The following CD58 variants were observed in gnomAD, a reference collection of about 807,000 sequenced individuals.
CD58 encodes CD58 molecule, also known as lymphocyte function-associated antigen 3.
Under a neutral mutation model 27.6 loss-of-function variants are expected in CD58, and 14 were observed. The observed-to-expected ratio is 0.51, with a 90% CI of 0.34 to 0.79. The LOEUF is 0.79. Ranked by LOEUF, CD58 falls within the 30% of genes least tolerant of loss-of-function variation. The pLI is 0.02. For missense variants in CD58, 268 were observed against 301.7 expected, an observed-to-expected ratio of 0.89 and a Z score of 0.83; for synonymous variants, 117 against 103.8, an observed-to-expected ratio of 1.13 and a Z score of -0.77.
rs532528365 is a variant in CD58 at position 116,517,675 on chromosome 1, C to T, written c.743+1556G>A. Among the ~76,000 whole-genome samples the T allele has an allele frequency of 2.0e-5, 3 of 152,284 alleles. No individual in the cohort carries two copies. Among genetic ancestry groups the T allele is most frequent in the Non-Finnish European group, 2.9e-5 (2 of 68,016 alleles). On this transcript the variant is annotated intron_variant, in intron 5 of 5. Transcript: ENST00000369489. This position sits in a 1 kb window ranked among gnomAD's most constrained non-coding sequence, Gnocchi z 6.5. ...ATCCTGGACTTTGCTTCCCCAGTCC[C>T]GCCTCCTCTGCCTCTTCCCATCACC...
intron 1 of CD58, among the ~76,000 whole-genome samples, chr1:116,565,995 T>G (rs28391746): frequency 0.057 from 8,670 of 152,166 alleles, 831 homozygotes; most frequent in African/African-American, 0.19. Flanking sequence ...GGGATTACAG[T>G]CATGAGTCAC....
Position 116,519,265 on chromosome 1 carries a change from T to C in CD58, c.709A>G (p.Ile237Val), listed in dbSNP as rs149627900. ...TCTGGTTTTCTGTCACATTTCAGAA[T>C]ACCTAAAAATGAAGAAATTGTCTTC... ...TTCIVLYMNG[I>V]LKCDRKPDRT... is the part of the protein sequence containing the mutation. Residue 237 changes from isoleucine (I) to valine (V), a missense_variant and splice_region_variant, in exon 5 of 6, where the codon ATT becomes GTT. Ile to Val is a conservative substitution (Grantham distance 29). Transcript: ENST00000369489. This position sits in a 1 kb window ranked among gnomAD's most constrained non-coding sequence, Gnocchi z 4.7. The C allele has an allele frequency of 3.5e-3, 5,702 of 1,611,116 alleles. 23 individuals carry two copies. Among genetic ancestry groups the C allele is most frequent in the South Asian group, 4.3e-3 (389 of 90,584 alleles).
At chr1:116,561,714 A>G (rs1658758833) in intron 1 of CD58, among the ~76,000 whole-genome samples, 1 of 152,240 alleles carries the variant, frequency 6.6e-6, no homozygotes, top group Non-Finnish European at 1.5e-5. Context: ...ACAACAGAGC[A>G]TATAAAGGAA....
intron 3 of CD58, chr1:116,533,475 T>A (rs1131081): frequency 1.3e-6 from 1 of 742,368 alleles, no homozygotes; most frequent in Non-Finnish European, 2.5e-6. Flanking sequence ...GAACTCTTAA[T>A]ATGAAAGACA....
intron 2 of CD58, among the ~76,000 whole-genome samples, chr1:116,539,248 T>C (rs1657913986): frequency 6.6e-6 from 1 of 152,124 alleles, no homozygotes; most frequent in South Asian, 2.1e-4. Flanking sequence ...CCGGAGGGTA[T>C]GTGATATGAT....
At chr1:116,544,108 T>C (rs1367628502) in intron 2 of CD58, among the ~76,000 whole-genome samples, 2 of 152,160 alleles carry the variant, frequency 1.3e-5, no homozygotes, top group African/African-American at 4.8e-5. Context: ...TCTCCCCACC[T>C]TGGTTAGATT....
rs1425176035 is a variant in CD58, at chr1:116,546,447, G to A, written c.71-1843C>T. 2.0e-5 allele frequency among the ~76,000 whole-genome samples: 3 copies of A among 152,174 alleles called. No individual in the cohort carries two copies. The highest frequency in any genetic ancestry group is 4.8e-5 in the African/African-American group (2 of 41,438). On this transcript the variant is annotated intron_variant, in intron 1 of 5. Coordinates refer to ENST00000369489, the MANE Select transcript of CD58 (RefSeq NM_001779.3). The surrounding 1 kb of genome is among the most constrained non-coding windows in gnomAD (Gnocchi z 4.1). ...ACCAGCATCTTTCCATTGCTTTGCCGATTATGCATTATTTCCTCCACTCAA... is the reference window on the plus strand; with the variant it reads ...ACCAGCATCTTTCCATTGCTTTGCCAATTATGCATTATTTCCTCCACTCAA...
rs531365397 is a variant in CD58 at position 116,554,076 on chromosome 1, T to C, written c.71-9472A>G. Among the ~76,000 whole-genome samples, 28 of 152,366 alleles carry C rather than the reference T, an allele frequency of 1.8e-4. No individual in the cohort carries two copies. The East Asian group carries it at 5.4e-3, about 29-fold the overall frequency. ...CATGCATACAATTTATTTTTGCTTA[T>C]GCTCTAAAAGAACCTGTAGTTTCAC... On this transcript the variant is annotated intron_variant, in intron 1 of 5. Transcript: ENST00000369489.
Position 116,570,763 on chromosome 1 carries a change from T to C in CD58, c.70+140A>G, listed in dbSNP as rs1322238805. The C allele has an allele frequency of 1.6e-5, 10 of 608,072 alleles. No homozygotes were observed. Among genetic ancestry groups the C allele is most frequent in the East Asian group, 3.1e-5 (1 of 31,828 alleles). 37.7% of individuals were successfully genotyped at this position (608,072 alleles called of 1,614,324 possible). ...CTCTTCCTGAAAAGGCTCCCACGGCTGAGTTGTTCCCGGCCCACAGCGACC... is the reference window on the plus strand; with the variant it reads ...CTCTTCCTGAAAAGGCTCCCACGGCCGAGTTGTTCCCGGCCCACAGCGACC... On this transcript the variant is annotated intron_variant, in intron 1 of 5. Coordinates refer to ENST00000369489, the MANE Select transcript of CD58 (RefSeq NM_001779.3). The surrounding 1 kb of genome is among the most constrained non-coding windows in gnomAD (Gnocchi z 6.4).
Position 116,521,660 on chromosome 1 carries a change from G to A in CD58, c.706+246C>T. On this transcript the variant is annotated intron_variant, in intron 4 of 5. Coordinates refer to ENST00000369489, the MANE Select transcript of CD58 (RefSeq NM_001779.3). The surrounding 1 kb of genome is among the most constrained non-coding windows in gnomAD (Gnocchi z 5.6). Reference sequence around the variant, plus strand: ...ACAGGTAAAAGGAGGCTATGCAACAGGTCCAGGCTGTGTTCCCAGGCCTGT... The same window carrying A: ...ACAGGTAAAAGGAGGCTATGCAACAAGTCCAGGCTGTGTTCCCAGGCCTGT... The A allele has an allele frequency of 2.5e-6, 1 of 393,358 alleles. No individual in the cohort carries two copies. Among genetic ancestry groups the A allele is most frequent in the South Asian group, 2.6e-5 (1 of 38,924 alleles). The allele number at this position is 393,358 out of a possible 1,614,324, so 24.4% of individuals were successfully genotyped here.
chr1:116,538,274 G>A lies in CD58; in HGVS notation c.365-2046C>T, dbSNP rs951945830. ...GGCAATCCAATCCAATGGATAAGAA[G>A]TTGCTCTAGTTGACTCAAAATTGAA... On this transcript the variant is annotated intron_variant, in intron 2 of 5. Coordinates refer to ENST00000369489, the MANE Select transcript of CD58 (RefSeq NM_001779.3). This position sits in a 1 kb window ranked among gnomAD's most constrained non-coding sequence, Gnocchi z 4.7. Among the ~76,000 whole-genome samples, 1 of 152,160 alleles carries A rather than the reference G, an allele frequency of 6.6e-6. No homozygotes were observed. The highest frequency in any genetic ancestry group is 1.5e-5 in the Non-Finnish European group (1 of 68,026).
Position 116,523,035 on chromosome 1 carries a change from T to C in CD58, c.629-1052A>G, listed in dbSNP as rs1657318743. ...TAAGAACAGCTGTTATATACTGTCA[T>C]TAACCTATTGAGTAGATGTTATTGG... On this transcript the variant is annotated intron_variant, in intron 3 of 5. Coordinates refer to ENST00000369489, the MANE Select transcript of CD58 (RefSeq NM_001779.3). This position sits in a 1 kb window ranked among gnomAD's most constrained non-coding sequence, Gnocchi z 4.4. Among the ~76,000 whole-genome samples the C allele has an allele frequency of 6.6e-6, 1 of 152,210 alleles. No homozygotes were observed. Among genetic ancestry groups the C allele is most frequent in the African/African-American group, 2.4e-5 (1 of 41,450 alleles).
rs749010595 is a variant in CD58, at chr1:116,536,134, T to C, written c.459A>G (p.Gly153=). The C allele has an allele frequency of 1.2e-6, 2 of 1,613,650 alleles. No homozygotes were observed. Among genetic ancestry groups the C allele is most frequent in the South Asian group, 2.2e-5 (2 of 91,076 alleles). ...GACAATCCCATGAGTACATTATAAG[T>C]CCTCGATGGCTGTTGTAATGCTCTG... ...MIPEHYNSHR[G]LIMYSWDCPM... The change falls in exon 3 of 6, where the codon GGA becomes GGG. Residue 153 remains glycine (G), a synonymous_variant. Coordinates refer to ENST00000369489, the MANE Select transcript of CD58 (RefSeq NM_001779.3). The surrounding 1 kb of genome is among the most constrained non-coding windows in gnomAD (Gnocchi z 5.4).
Position 116,562,170 on chromosome 1 carries a change from A to G in CD58, c.70+8733T>C, listed in dbSNP as rs572117186. 2.0e-4 allele frequency among the ~76,000 whole-genome samples: 30 copies of G among 152,354 alleles called. 1 individual carries two copies. In the South Asian group the frequency reaches 2.1e-3, roughly 11 times the overall value. On this transcript the variant is annotated intron_variant, in intron 1 of 5. Coordinates refer to ENST00000369489, the MANE Select transcript of CD58 (RefSeq NM_001779.3). ...TTCAACAATCTTTACTATTAAAAAA[A>G]AACAGATCAATATAAGGAAAATTTT...
chr1:116,565,576 T>C (rs1332967891), intron 1 of CD58, among the ~76,000 whole-genome samples: 1 of 151,804 alleles, frequency 6.6e-6, no homozygotes, highest in Non-Finnish European at 1.5e-5. Flanking sequence ...TGGATCTCTA[T>C]GAAGTGATAG....
Position 116,527,068 on chromosome 1 carries a change from G to A in CD58, c.629-5085C>T, listed in dbSNP as rs959205291. On this transcript the variant is annotated intron_variant, in intron 3 of 5. Coordinates refer to ENST00000369489, the MANE Select transcript of CD58 (RefSeq NM_001779.3). This position sits in a 1 kb window ranked among gnomAD's most constrained non-coding sequence, Gnocchi z 4.4. ...CTATAGTTTTTTATTAGTTCCAGGA[G>A]GTTTTTGGTCAATTCGTTTGGATTG... Among the ~76,000 whole-genome samples the A allele has an allele frequency of 1.3e-5, 2 of 152,020 alleles. No homozygotes were observed. The highest frequency in any genetic ancestry group is 4.8e-5 in the African/African-American group (2 of 41,368).
intron 5 of CD58, chr1:116,518,717 C>A: frequency 2.0e-6 from 2 of 990,300 alleles, no homozygotes; most frequent in South Asian, 4.6e-5. Flanking sequence ...GTTTATTAAA[C>A]CAACACTGCT....
In CD58 at chr1:116,552,333, A is replaced by G. The variant is rs1299119240; in HGVS notation, c.71-7729T>C. ...CTTGGCATCCCAAAACAATGACAAC[A>G]GTAACATCAAAGATCACTGATCACA... On this transcript the variant is annotated intron_variant, in intron 1 of 5. Coordinates refer to ENST00000369489, the MANE Select transcript of CD58 (RefSeq NM_001779.3). The surrounding 1 kb of genome is among the most constrained non-coding windows in gnomAD (Gnocchi z 4.5). 6.6e-6 allele frequency among the ~76,000 whole-genome samples: 1 copy of G among 152,240 alleles called. No individual in the cohort carries two copies. The highest frequency in any genetic ancestry group is 1.5e-5 in the Non-Finnish European group (1 of 68,038).
At chr1:116,526,429 A>G (rs533773784) in intron 3 of CD58, among the ~76,000 whole-genome samples, 1 of 152,310 alleles carries the variant, frequency 6.6e-6, no homozygotes, top group African/African-American at 2.4e-5. Flanking sequence ...TTACAGCACT[A>G]TTTGTTGAAA....
Sources: allele counts gnomAD v4.1 joint callset (sites outside exome capture counted in the v4.1 genomes callset), GRCh38; gene constraint gnomAD v4.1.1; non-coding constraint Gnocchi (gnomAD v3.1); transcripts MANE v1.5; gene names NCBI Gene and HGNC (gene_info 2026-07-23, HGNC 2026-07-21).